The following MAGI1 variants were observed in gnomAD, a reference collection of about 807,000 sequenced individuals.
MAGI1 encodes the protein membrane-associated guanylate kinase, WW and PDZ domain-containing protein 1.
Under a neutral mutation model 139.9 loss-of-function variants are expected in MAGI1, and 58 were observed. The observed-to-expected ratio is 0.41, with a 90% CI of 0.34 to 0.52. The LOEUF (loss-of-function observed/expected upper bound fraction) is 0.52, where lower values mean the gene tolerates loss of function less well. Ranked by LOEUF, MAGI1 falls within the 20% of genes least tolerant of loss-of-function variation. The pLI is 0.12. For synonymous variants in MAGI1, 812 were observed against 737.9 expected (o/e 1.10, Z -1.63); for missense variants, 1,874 against 1,901.6 (o/e 0.99, Z 0.27).
chr3:65,629,879 T>A (rs760261851), intron 1 of MAGI1, among the ~76,000 whole-genome samples: 50 of 152,142 alleles, frequency 3.3e-4, no homozygotes, highest in Middle Eastern at 3.4e-3. Flanking sequence ...CACAACAATA[T>A]AAATGTACTT....
At chr3:65,786,702 C>T (rs2039417221) in intron 1 of MAGI1, among the ~76,000 whole-genome samples, 1 of 151,156 alleles carries the variant, frequency 6.6e-6, no homozygotes, top group African/African-American at 2.4e-5. Flanking sequence ...AGCTCTGCCT[C>T]CCGGGTTCAC....
chr3:65,684,248 A>T (rs2087828541), intron 1 of MAGI1, among the ~76,000 whole-genome samples: 1 of 151,966 alleles, frequency 6.6e-6, no homozygotes, highest in African/African-American at 2.4e-5. Context: ...TTATCCCAGA[A>T]AAAGGAAAAT....
intron 1 of MAGI1, among the ~76,000 whole-genome samples, chr3:65,888,630 A>G (rs1049376898): frequency 2.0e-5 from 3 of 152,216 alleles, no homozygotes; most frequent in African/African-American, 4.8e-5. Context: ...AAACACACAC[A>G]TATACACAAG....
chr3:65,837,068 C>G (rs1024949211), intron 1 of MAGI1, among the ~76,000 whole-genome samples: 1 of 152,044 alleles, frequency 6.6e-6, no homozygotes, highest in African/African-American at 2.4e-5. Context: ...TAAGAAGTAA[C>G]TACTGACACC....
intron 1 of MAGI1, among the ~76,000 whole-genome samples, chr3:66,029,182 C>T (rs2068464136): frequency 6.6e-6 from 1 of 152,186 alleles, no homozygotes. Flanking sequence ...CAAAATCTGA[C>T]TCTATGACAC....
At chr3:65,785,701 G>C (rs1001773913) in intron 1 of MAGI1, among the ~76,000 whole-genome samples, 2 of 152,110 alleles carry the variant, frequency 1.3e-5, no homozygotes, top group Non-Finnish European at 2.9e-5. Context: ...TTTATTAAAT[G>C]AATGAGATAA....
chr3:65,979,458 C>T (rs995685648), intron 1 of MAGI1, among the ~76,000 whole-genome samples: 1 of 152,188 alleles, frequency 6.6e-6, no homozygotes, highest in East Asian at 1.9e-4. Flanking sequence ...TTCAAAGCAA[C>T]GTAGCCCAGC....
intron 1 of MAGI1, among the ~76,000 whole-genome samples, chr3:65,972,433 T>C (rs1258852422): frequency 2.0e-5 from 3 of 146,788 alleles, no homozygotes; most frequent in East Asian, 4.0e-4. Flanking sequence ...GACATATACA[T>C]GTTTCTTCCT....
chr3:65,449,428 T>C (rs1446700763), intron 6 of MAGI1, among the ~76,000 whole-genome samples: 1 of 152,154 alleles, frequency 6.6e-6, no homozygotes, highest in African/African-American at 2.4e-5. Flanking sequence ...TCAGTAGTTA[T>C]TTATCAAGAC....
chr3:65,429,637 C>T lies in MAGI1; in HGVS notation c.2050G>A (p.Asp684Asn). ...TTCTTATTAACTTCCACTATGAGAT[C>T]CCCTTCTTTCAGGCCTCGGCACCTT... ...SPRCRGLKEG[D>N]LIVEVNKKNV... The change falls in exon 12 of 23, where the codon GAT becomes AAT. Residue 684 changes from aspartate (D) to asparagine (N), a missense_variant. Physicochemically the swap from Asp to Asn is conservative, Grantham distance 23. Coordinates refer to ENST00000402939, the MANE Select transcript of MAGI1 (RefSeq NM_001033057.2). 2 of 1,613,940 alleles carry T rather than the reference C, an allele frequency of 1.2e-6. No individual in the cohort carries two copies. Among genetic ancestry groups the T allele is most frequent in the Non-Finnish European group, 1.7e-6 (2 of 1,179,942 alleles).
At chr3:65,593,722 T>A (rs1057185310) in intron 2 of MAGI1, among the ~76,000 whole-genome samples, 6 of 152,152 alleles carry the variant, frequency 3.9e-5, no homozygotes, top group African/African-American at 1.4e-4. Flanking sequence ...AAGTATTTAT[T>A]GAACGTGTAT....
intron 1 of MAGI1, among the ~76,000 whole-genome samples, chr3:65,837,541 A>G (rs1045715681): frequency 2.0e-5 from 3 of 152,190 alleles, no homozygotes; most frequent in East Asian, 3.9e-4. Context: ...CTCTGCTTCT[A>G]TAAAATATGC....
At chr3:65,903,564 C>A (rs952167453) in intron 1 of MAGI1, among the ~76,000 whole-genome samples, 1 of 152,132 alleles carries the variant, frequency 6.6e-6, no homozygotes, top group Non-Finnish European at 1.5e-5. Flanking sequence ...CATGCCTGCA[C>A]GTACACACAC....
At chr3:65,549,349 A>C in intron 2 of MAGI1, 2 of 837,968 alleles carry the variant, frequency 2.4e-6, no homozygotes, top group Non-Finnish European at 2.9e-6. Flanking sequence ...CTCCCTTCCT[A>C]ACCCCCTCCC....
intron 2 of MAGI1, among the ~76,000 whole-genome samples, chr3:65,546,917 C>A (rs77139471): frequency 0.035 from 5,325 of 152,176 alleles, 149 homozygotes; most frequent in African/African-American, 0.061. Context: ...ACCTTCTGGG[C>A]ACTGTGTATG....
chr3:65,712,987 T>A (rs1030863295), intron 1 of MAGI1, among the ~76,000 whole-genome samples: 7 of 152,188 alleles, frequency 4.6e-5, no homozygotes, highest in African/African-American at 1.4e-4. Flanking sequence ...AATTAAATAT[T>A]CATTCAGGAA....
intron 2 of MAGI1, among the ~76,000 whole-genome samples, chr3:65,506,545 G>A (rs949644065): frequency 6.6e-6 from 1 of 152,050 alleles, no homozygotes; most frequent in East Asian, 1.9e-4. Flanking sequence ...AGTCACACAA[G>A]AATCTATATA....
chr3:65,381,894 C>T lies in MAGI1; in HGVS notation c.2684G>A (p.Arg895His), dbSNP rs1289675503. The change falls in exon 16 of 23, where the codon CGT becomes CAT. Residue 895 changes from arginine (R) to histidine (H), a missense_variant. By Grantham distance (29) the Arg-to-His change is conservative. Coordinates refer to ENST00000402939, the MANE Select transcript of MAGI1 (RefSeq NM_001033057.2). ...ATACATACCCGCAAAAACCACTTTA[C>T]GCCGCACCGTGAGATTGACGTGGCC... ...KQGHVNLTVRRKVVFAVPKTE... is the reference protein window; with the variant it reads ...KQGHVNLTVRHKVVFAVPKTE... 19 of 1,612,642 alleles carry T rather than the reference C, an allele frequency of 1.2e-5. No homozygotes were observed. Among genetic ancestry groups the T allele is most frequent in the East Asian group, 4.5e-5 (2 of 44,872 alleles).
At chr3:65,387,020 TC>T (rs1697424920) in intron 14 of MAGI1, 1 of 788,182 alleles carries the variant, frequency 1.3e-6, no homozygotes, top group East Asian at 2.6e-5. Flanking sequence ...CCAAAGCACT[TC>T]CCTTCATGCC....
Sources: allele counts gnomAD v4.1 joint callset (sites outside exome capture counted in the v4.1 genomes callset), GRCh38; gene constraint gnomAD v4.1.1; transcripts MANE v1.5; gene names NCBI Gene and HGNC (gene_info 2026-07-23, HGNC 2026-07-21).